The following SUPT3H variants were observed in gnomAD, a reference collection of about 807,000 sequenced individuals.
SUPT3H encodes the protein transcription initiation protein SPT3 homolog.
In SUPT3H, 44 loss-of-function variants were observed where a neutral mutation model predicts 44.3. The ratio of observed to expected loss-of-function variants is 0.99; its 90% CI spans 0.78 to 1.28. The LOEUF (loss-of-function observed/expected upper bound fraction) is 1.28, where lower values mean the gene tolerates loss of function less well. Among genes scored for constraint, SUPT3H ranks in the 50% most tolerant of loss-of-function variants. The pLI is 0.00. For missense variants in SUPT3H, 380 were observed against 387.1 expected, an observed-to-expected ratio of 0.98 and a Z score of 0.15; for synonymous variants, 124 against 125.6, an observed-to-expected ratio of 0.99 and a Z score of 0.09.
At chr6:44,958,466 T>C (rs1386737450) in intron 7 of SUPT3H, among the ~76,000 whole-genome samples, 5 of 152,148 alleles carry the variant, frequency 3.3e-5, no homozygotes, top group Admixed American at 2.6e-4. Context: ...AAAATAGCCT[T>C]CTTCAGAGGG....
intron 7 of SUPT3H, among the ~76,000 whole-genome samples, chr6:44,961,399 G>A (rs533931073): frequency 6.6e-6 from 1 of 151,954 alleles, no homozygotes; most frequent in Non-Finnish European, 1.5e-5. Context: ...AGTCCATTAC[G>A]GATCAAATGC....
At chr6:45,094,795 G>A (rs541643577) in intron 3 of SUPT3H, among the ~76,000 whole-genome samples, 5 of 152,156 alleles carry the variant, frequency 3.3e-5, no homozygotes, top group African/African-American at 4.8e-5. Context: ...AACAAGTGGT[G>A]CTATACAGAA....
chr6:45,309,566 G>A (rs1288110417), intron 2 of SUPT3H, among the ~76,000 whole-genome samples: 1 of 151,864 alleles, frequency 6.6e-6, no homozygotes, highest in East Asian at 1.9e-4. Context: ...GAGAAAAAGT[G>A]ATAGAAATCT....
chr6:45,010,823 C>A (rs918202046), intron 5 of SUPT3H, among the ~76,000 whole-genome samples: 2 of 152,064 alleles, frequency 1.3e-5, no homozygotes, highest in African/African-American at 4.8e-5. Context: ...CATATATATT[C>A]AGAGGGTGAG....
At chr6:45,315,922 CAGATAGATAGATAGATAGATAGAT>C (rs59633405) in intron 2 of SUPT3H, among the ~76,000 whole-genome samples, 3 of 145,476 alleles carry the variant, frequency 2.1e-5, no homozygotes, top group Non-Finnish European at 3.0e-5. Context: ...CTCAGATAGA[CAGATAGATAGATAGATAGATAGAT>C]AGATAGATAG....
chr6:45,220,040 C>CAAAAA (rs67960187), intron 2 of SUPT3H, among the ~76,000 whole-genome samples: 2 of 33,010 alleles, frequency 6.1e-5, no homozygotes, highest in Admixed American at 6.3e-4. Flanking sequence ...GACTCTGTCT[C>CAAAAA]AAAAAAAAAA....
intron 2 of SUPT3H, among the ~76,000 whole-genome samples, chr6:45,316,015 G>A (rs1160172889): frequency 6.6e-6 from 1 of 152,084 alleles, no homozygotes; most frequent in Non-Finnish European, 1.5e-5. Flanking sequence ...TGAATTAACA[G>A]CATTTGCAAT....
rs1393663325 is a variant in SUPT3H, at chr6:44,961,744, GTTAC to G, written c.580+5_580+8del. ...GCATATAATTAAGCAAAGTTAAATA[GTTAC>G]TTACAGAAACTTAATTGTCGACTTT... On this transcript the variant is annotated splice_donor_5th_base_variant and intron_variant, in intron 7 of 10. Coordinates refer to ENST00000371459, the MANE Select transcript of SUPT3H (RefSeq NM_003599.4). 14 of 1,598,208 alleles carry G rather than the reference GTTAC, an allele frequency of 8.8e-6. No homozygotes were observed. The highest frequency in any genetic ancestry group is 6.8e-6 in the Non-Finnish European group (8 of 1,171,606).
At chr6:45,103,317 T>C (rs1291844310) in intron 3 of SUPT3H, among the ~76,000 whole-genome samples, 1 of 152,172 alleles carries the variant, frequency 6.6e-6, no homozygotes, top group African/African-American at 2.4e-5. Flanking sequence ...GAGGTAAGCA[T>C]CTACTGTAAT....
intron 2 of SUPT3H, among the ~76,000 whole-genome samples, chr6:45,242,118 A>G (rs1344522133): frequency 6.6e-6 from 1 of 152,220 alleles, no homozygotes; most frequent in Non-Finnish European, 1.5e-5. Context: ...AGAAAACTAG[A>G]TAAAATACAT....
At chr6:45,097,057 A>T (rs1797888498) in intron 3 of SUPT3H, among the ~76,000 whole-genome samples, 1 of 152,206 alleles carries the variant, frequency 6.6e-6, no homozygotes. Flanking sequence ...TTGTTATCCT[A>T]TACATAGTGA....
At chr6:45,261,490 A>ATC (rs1774356376) in intron 2 of SUPT3H, among the ~76,000 whole-genome samples, 1 of 152,060 alleles carries the variant, frequency 6.6e-6, no homozygotes, top group Non-Finnish European at 1.5e-5. Flanking sequence ...ACACATGATC[A>ATC]TCTCCATAGA....
In SUPT3H at chr6:45,160,413, G is replaced by T. The variant is rs2153600849; in HGVS notation, c.102-54407C>A. On this transcript the variant is annotated intron_variant, in intron 2 of 10. Coordinates refer to ENST00000371459, the MANE Select transcript of SUPT3H (RefSeq NM_003599.4). ...CTTGAAAATCAGTCTAAAATTAGAT[G>T]ACCAAAGACGTAAGTACTACATCCA... Among the ~76,000 whole-genome samples the T allele has an allele frequency of 2.0e-5, 3 of 152,214 alleles. No homozygotes were observed. In the South Asian group the frequency reaches 6.2e-4, roughly 32 times the overall value.
chr6:45,163,703 T>C (rs1224545736), intron 2 of SUPT3H, among the ~76,000 whole-genome samples: 1 of 152,008 alleles, frequency 6.6e-6, no homozygotes, highest in African/African-American at 2.4e-5. Context: ...TTTATACTTG[T>C]TACCTTGTTG....
chr6:44,830,199 A>G (rs950598510), intron 10 of SUPT3H, among the ~76,000 whole-genome samples: 3 of 152,214 alleles, frequency 2.0e-5, no homozygotes, highest in African/African-American at 7.2e-5. Flanking sequence ...CGATATGCTC[A>G]GGAATCACTT....
At chr6:45,145,446 G>C (rs183287228) in intron 2 of SUPT3H, among the ~76,000 whole-genome samples, 286 of 152,184 alleles carry the variant, frequency 1.9e-3, no homozygotes, top group African/African-American at 6.7e-3. Flanking sequence ...AAATGGTGCT[G>C]GGATAACTGG....
At chr6:44,890,267 C>A (rs1372411634) in intron 10 of SUPT3H, among the ~76,000 whole-genome samples, 3 of 149,370 alleles carry the variant, frequency 2.0e-5, no homozygotes, top group East Asian at 3.9e-4. Flanking sequence ...GGGTATATAC[C>A]CAAAGGACTA....
At chr6:45,043,671 C>T (rs1325835198) in intron 3 of SUPT3H, among the ~76,000 whole-genome samples, 5 of 151,860 alleles carry the variant, frequency 3.3e-5, no homozygotes, top group African/African-American at 1.2e-4. Flanking sequence ...GGAGCTTATT[C>T]TACTATGGAA....
chr6:44,934,761 C>T (rs978008085), intron 9 of SUPT3H, among the ~76,000 whole-genome samples: 1 of 152,196 alleles, frequency 6.6e-6, no homozygotes, highest in African/African-American at 2.4e-5. Context: ...TTGCCAATGT[C>T]TTAATCTGGG....
Sources: allele counts gnomAD v4.1 joint callset (sites outside exome capture counted in the v4.1 genomes callset), GRCh38; gene constraint gnomAD v4.1.1; transcripts MANE v1.5; gene names NCBI Gene and HGNC (gene_info 2026-07-23, HGNC 2026-07-21).